The following KIFAP3 variants were observed in gnomAD, a reference collection of about 807,000 sequenced individuals.
KIFAP3 encodes kinesin-associated protein 3.
A neutral mutation model predicts 106.5 loss-of-function variants in KIFAP3; 68 were observed. That is an observed-to-expected ratio of 0.64 (90% confidence interval 0.53 to 0.78). The LOEUF (loss-of-function observed/expected upper bound fraction) is 0.78. KIFAP3 is among the 30% of genes least tolerant of loss of function. The pLI is 0.00. For missense variants in KIFAP3, 780 were observed against 941.8 expected (o/e 0.83, Z 2.25); for synonymous variants, 320 against 311.5 (o/e 1.03, Z -0.29).
At chr1:170,047,695 A>G (rs550800848) in intron 2 of KIFAP3, among the ~76,000 whole-genome samples, 1 of 151,974 alleles carries the variant, frequency 6.6e-6, no homozygotes, top group East Asian at 1.9e-4. Flanking sequence ...ACAAATGAAT[A>G]CATTTTATAC....
chr1:170,046,362 G>T (rs1056936407), intron 3 of KIFAP3, among the ~76,000 whole-genome samples: 1 of 151,998 alleles, frequency 6.6e-6, no homozygotes, highest in African/African-American at 2.4e-5. Flanking sequence ...TAAAACATCA[G>T]TCTAGTTGGG....
At chr1:169,947,781 A>C (rs1312890072) in intron 19 of KIFAP3, among the ~76,000 whole-genome samples, 1 of 151,838 alleles carries the variant, frequency 6.6e-6, no homozygotes, top group African/African-American at 2.4e-5. Flanking sequence ...ATATGAATAA[A>C]ATTTTTATAA....
At chr1:170,002,397 T>C (rs552079772) in intron 10 of KIFAP3, among the ~76,000 whole-genome samples, 11 of 152,304 alleles carry the variant, frequency 7.2e-5, no homozygotes, top group African/African-American at 2.6e-4. Flanking sequence ...GGTCTAACAT[T>C]ACTGACTAAA....
chr1:170,042,266 A>G (rs1004089733), intron 3 of KIFAP3, among the ~76,000 whole-genome samples: 6 of 152,164 alleles, frequency 3.9e-5, no homozygotes, highest in African/African-American at 1.4e-4. Context: ...ATGAAAACAA[A>G]GAAAATGGTT....
At chr1:170,063,017 T>C (rs895069688) in intron 1 of KIFAP3, among the ~76,000 whole-genome samples, 4 of 152,138 alleles carry the variant, frequency 2.6e-5, no homozygotes, top group Non-Finnish European at 5.9e-5. Context: ...TACCTGCCTC[T>C]ATCGACTCTA....
Position 169,972,528 on chromosome 1 carries a change from T to C in KIFAP3, c.1968A>G (p.Thr656=). 1 of 1,449,136 alleles carries C rather than the reference T, an allele frequency of 6.9e-7. No homozygotes were observed. The highest frequency in any genetic ancestry group is 9.7e-7 in the Non-Finnish European group (1 of 1,034,722). The allele number at this position is 1,449,136 out of a possible 1,614,324, so 89.8% of individuals were successfully genotyped here. Residue 656 remains threonine (T), a synonymous_variant, in exon 17 of 20, where the codon ACA becomes ACG. Transcript: ENST00000361580. The part of the protein sequence containing the change: ...NNEIRKVCDN[T]LDIIAEYDEE... ...AATTACTTACCGCTATAATATCTAA[T>C]GTATTATCACAGACCTTTCGGATTT... is the stretch of plus-strand genomic sequence containing the variant.
chr1:169,981,649 G>C (rs1332432254), intron 15 of KIFAP3, among the ~76,000 whole-genome samples: 1 of 152,132 alleles, frequency 6.6e-6, no homozygotes, highest in Non-Finnish European at 1.5e-5. Flanking sequence ...GGCATCTGCT[G>C]GGGGTCTTGG....
At chr1:169,938,001 G>C (rs1000005987) in intron 19 of KIFAP3, among the ~76,000 whole-genome samples, 2 of 151,826 alleles carry the variant, frequency 1.3e-5, no homozygotes, top group Non-Finnish European at 2.9e-5. Context: ...ATGAGATATT[G>C]AATACTAATC....
intron 16 of KIFAP3, among the ~76,000 whole-genome samples, chr1:169,974,589 AT>A (rs751494591): frequency 6.2e-4 from 27 of 43,694 alleles, no homozygotes; most frequent in Non-Finnish European, 9.9e-4. Flanking sequence ...AGAATAATGT[AT>A]TTGTGCATTT....
chr1:170,033,032 A>T (rs76080697), intron 7 of KIFAP3, among the ~76,000 whole-genome samples: 9,531 of 151,760 alleles, frequency 0.063, 378 homozygotes, highest in Non-Finnish European at 0.095. Context: ...CTCCAGTTTA[A>T]ATAAATTTTG....
intron 18 of KIFAP3, 61 bp from the exon 19 acceptor site, chr1:169,954,171 A>T (rs1664884381): frequency 1.1e-6 from 1 of 923,660 alleles, no homozygotes; most frequent in Non-Finnish European, 1.8e-6. Context: ...CTGTCTATCA[A>T]GCAATACAAT....
intron 19 of KIFAP3, among the ~76,000 whole-genome samples, chr1:169,942,732 C>T (rs1664199027): frequency 6.6e-6 from 1 of 152,128 alleles, no homozygotes; most frequent in African/African-American, 2.4e-5. Flanking sequence ...CTAAATAAAC[C>T]CTCTGGCTAC....
At chr1:169,997,336 TTTC>T (rs1667415823) in intron 10 of KIFAP3, among the ~76,000 whole-genome samples, 1 of 152,116 alleles carries the variant, frequency 6.6e-6, no homozygotes, top group East Asian at 1.9e-4. Flanking sequence ...ATAAATATCA[TTTC>T]TTATTATTAT....
intron 6 of KIFAP3, among the ~76,000 whole-genome samples, chr1:170,034,988 T>C (rs911717580): frequency 3.3e-5 from 5 of 151,958 alleles, no homozygotes; most frequent in Non-Finnish European, 7.4e-5. Flanking sequence ...AGCAATTATC[T>C]AGGAATTGGG....
At chr1:170,041,881 G>A (rs1284282477) in intron 3 of KIFAP3, 5 of 1,373,702 alleles carry the variant, frequency 3.6e-6, no homozygotes, top group Middle Eastern at 2.0e-4. Context: ...TCCCCAACTG[G>A]AAGGAGAATA....
intron 8 of KIFAP3, among the ~76,000 whole-genome samples, chr1:170,030,105 AAAAACACT>A (rs1414542452): frequency 2.6e-5 from 4 of 151,942 alleles, no homozygotes; most frequent in Admixed American, 6.6e-5. Context: ...CCATGATCCA[AAAAACACT>A]AAGTTGGAAT....
chr1:169,966,683 C>T (rs1331433347), intron 17 of KIFAP3, among the ~76,000 whole-genome samples: 1 of 148,978 alleles, frequency 6.7e-6, no homozygotes, highest in East Asian at 2.0e-4. Context: ...CACCAGTTTT[C>T]AATGACTTTC....
intron 10 of KIFAP3, among the ~76,000 whole-genome samples, chr1:170,007,517 C>T (rs751483159): frequency 6.6e-6 from 1 of 152,006 alleles, no homozygotes; most frequent in African/African-American, 2.4e-5. Context: ...ATCTATTTTA[C>T]AATTGCTACG....
At chr1:169,989,013 T>G (rs1666972981) in intron 11 of KIFAP3, among the ~76,000 whole-genome samples, 1 of 151,988 alleles carries the variant, frequency 6.6e-6, no homozygotes, top group South Asian at 2.1e-4. Context: ...TGGGAAATAT[T>G]GTTCACAAAA....
Sources: gnomAD v4.1 joint callset for allele counts (sites outside exome capture counted in the v4.1 genomes callset) on GRCh38, gnomAD v4.1.1 for gene constraint, MANE v1.5 for transcripts, NCBI Gene and HGNC (gene_info 2026-07-23, HGNC 2026-07-21) for gene names.